The following FOXP2 variants were observed in gnomAD, a reference collection of about 807,000 sequenced individuals.
FOXP2 encodes the protein forkhead box protein P2.
Under a neutral mutation model 115.8 loss-of-function variants are expected in FOXP2, and 12 were observed. That is an observed-to-expected ratio of 0.10 (90% CI 0.07 to 0.17). The LOEUF is 0.17. Among genes scored for constraint, FOXP2 ranks in the 10% least tolerant of loss-of-function variants. The pLI, the probability that FOXP2 is intolerant of heterozygous loss-of-function variation, is 1.00. For missense variants in FOXP2, 629 were observed against 843.5 expected, an observed-to-expected ratio of 0.75 and a Z score of 3.15; for synonymous variants, 328 against 297.7, an observed-to-expected ratio of 1.10 and a Z score of -1.05.
In FOXP2 at chr7:114,659,652, G is replaced by A. The variant is rs757396343; in HGVS notation, c.1626G>A (p.Arg542=). Residue 542 remains arginine, a synonymous_variant, in exon 13 of 17, where the codon AGG becomes AGA. Coordinates refer to ENST00000350908, the MANE Select transcript of FOXP2 (RefSeq NM_014491.4). The part of the protein sequence containing the change: ...SWFTRTFAYF[R]RNAATWKNAV... ...TTACACGGACATTTGCTTACTTCAG[G>A]CGTAATGCAGCAACTTGGAAGGTAA... 6.2e-7 allele frequency: 1 copy of A among 1,613,490 alleles called. No homozygotes were observed. The highest frequency in any genetic ancestry group is 2.2e-5 in the East Asian group (1 of 44,848).
At chr7:114,171,787 G>A (rs1793148383) in intron 1 of FOXP2, among the ~76,000 whole-genome samples, 1 of 152,174 alleles carries the variant, frequency 6.6e-6, no homozygotes, top group African/African-American at 2.4e-5. Flanking sequence ...ACTGGGCAAA[G>A]TCAATTGAAA....
At chr7:114,569,869 T>TA (rs1267759870) in intron 3 of FOXP2, among the ~76,000 whole-genome samples, 1 of 151,930 alleles carries the variant, frequency 6.6e-6, no homozygotes, top group Non-Finnish European at 1.5e-5. Flanking sequence ...ATGTAATATT[T>TA]ACATGCATCA....
intron 3 of FOXP2, among the ~76,000 whole-genome samples, chr7:114,576,012 G>A (rs1801558536): frequency 6.6e-6 from 1 of 151,844 alleles, no homozygotes; most frequent in African/African-American, 2.4e-5. Context: ...TTATTTTTGA[G>A]TAGGTTTTAT....
Position 114,632,128 on chromosome 7 carries a change from C to A in FOXP2, c.775+423C>A, listed in dbSNP as rs1421597136. On this transcript the variant is annotated intron_variant, in intron 6 of 16. Coordinates refer to ENST00000350908, the MANE Select transcript of FOXP2 (RefSeq NM_014491.4). Reference sequence around the variant, plus strand: ...AAGATAAAAGTTCCTAATCTTCACACTGAAATCACCACATGTTAAAGAGAG... The same window carrying A: ...AAGATAAAAGTTCCTAATCTTCACAATGAAATCACCACATGTTAAAGAGAG... 1.6e-4 allele frequency among the ~76,000 whole-genome samples: 24 copies of A among 152,208 alleles called. 1 individual carries two copies. Among genetic ancestry groups the A allele is most frequent in the Admixed American group, 1.6e-3 (24 of 15,286 alleles).
At chr7:114,377,012 G>A (rs28431297) in intron 2 of FOXP2, among the ~76,000 whole-genome samples, 54,849 of 151,958 alleles carry the variant, frequency 0.36, 10,485 homozygotes, top group African/African-American at 0.43. Context: ...AACTGATAAA[G>A]TGCAGGACAG....
chr7:114,548,740 A>T (rs1227210725), intron 3 of FOXP2, among the ~76,000 whole-genome samples: 1 of 152,194 alleles, frequency 6.6e-6, no homozygotes, highest in African/African-American at 2.4e-5. Flanking sequence ...CCCTCCAGGA[A>T]GTTACTGCTG....
At chr7:114,342,304 T>G (rs1365784189) in intron 2 of FOXP2, among the ~76,000 whole-genome samples, 1 of 151,388 alleles carries the variant, frequency 6.6e-6, no homozygotes, top group Non-Finnish European at 1.5e-5. Flanking sequence ...TATAATAATA[T>G]AGTATTACAC....
Position 114,659,368 on chromosome 7 carries a change from A to C in FOXP2, c.1481A>C (p.Asn494Thr). The change falls in exon 12 of 17, where the codon AAC becomes ACC. Residue 494 changes from asparagine (N) to threonine (T), a missense_variant. Around this residue, in one of 9 missense-constraint regions of FOXP2, gnomAD observed 101 missense variants for 116.0 expected, o/e 0.87. Coordinates refer to ENST00000350908, the MANE Select transcript of FOXP2 (RefSeq NM_014491.4). Reference protein sequence around the residue: ...NIPMSSEIAPNYEFYKNADVR... With the variant: ...NIPMSSEIAPTYEFYKNADVR... ...TTTATTTTTATAGAAATTGCCCCAA[A>C]CTATGAATTTTATAAAAATGCAGAT... 1 of 1,611,452 alleles carries C rather than the reference A, an allele frequency of 6.2e-7. No individual in the cohort carries two copies. The highest frequency in any genetic ancestry group is 8.5e-7 in the Non-Finnish European group (1 of 1,178,104).
intron 2 of FOXP2, among the ~76,000 whole-genome samples, chr7:114,318,939 T>A (rs536324144): frequency 6.6e-6 from 1 of 152,108 alleles, no homozygotes; most frequent in Non-Finnish European, 1.5e-5. Flanking sequence ...ATTCCAGTAA[T>A]AGGAAAACAA....
intron 3 of FOXP2, among the ~76,000 whole-genome samples, chr7:114,559,991 C>T (rs1800684607): frequency 6.6e-6 from 1 of 151,906 alleles, no homozygotes; most frequent in Non-Finnish European, 1.5e-5. Context: ...ATCTCAAATC[C>T]TTCAAATACC....
intron 2 of FOXP2, among the ~76,000 whole-genome samples, chr7:114,443,661 A>C (rs1794705790): frequency 6.6e-6 from 1 of 152,146 alleles, no homozygotes; most frequent in African/African-American, 2.4e-5. Flanking sequence ...CTTATAAGTG[A>C]GAACATGCAG....
chr7:114,266,047 T>C (rs1002333498), intron 1 of FOXP2, among the ~76,000 whole-genome samples: 1 of 151,900 alleles, frequency 6.6e-6, no homozygotes, highest in African/African-American at 2.4e-5. Flanking sequence ...TTTTTGTCCA[T>C]TGTCTTGAAT....
chr7:114,393,995 TGTGTGTGTGTGAGA>T (rs1442894529), intron 2 of FOXP2, among the ~76,000 whole-genome samples: 3 of 17,218 alleles, frequency 1.7e-4, no homozygotes, highest in Non-Finnish European at 2.1e-4. Flanking sequence ...TGTGTGTGTG[TGTGTGTGTGTGAGA>T]GAGAGAGAGA....
chr7:114,368,209 C>T (rs2129188778), intron 2 of FOXP2, among the ~76,000 whole-genome samples: 1 of 152,184 alleles, frequency 6.6e-6, no homozygotes, highest in East Asian at 1.9e-4. Flanking sequence ...CTAAATTATA[C>T]ACATTGGTTA....
At chr7:114,161,237 A>C (rs961379315), upstream of FOXP2, among the ~76,000 whole-genome samples, 1 of 152,218 alleles carries the variant, frequency 6.6e-6, no homozygotes, top group Non-Finnish European at 1.5e-5. Context: ...TTAGAAAAGA[A>C]AACAAAACAC....
chr7:114,516,854 G>C (rs1050993876), intron 2 of FOXP2, among the ~76,000 whole-genome samples: 1 of 151,540 alleles, frequency 6.6e-6, no homozygotes, highest in Non-Finnish European at 1.5e-5. Flanking sequence ...TGCCACCATG[G>C]CCAGCTAATT....
chr7:114,200,828 A>G (rs768347638), intron 1 of FOXP2, among the ~76,000 whole-genome samples: 1 of 152,132 alleles, frequency 6.6e-6, no homozygotes, highest in Non-Finnish European at 1.5e-5. Flanking sequence ...TTTTCTAAAC[A>G]TTGACCATTT....
At chr7:114,587,484 A>C (rs1563017631) in intron 3 of FOXP2, among the ~76,000 whole-genome samples, 1 of 152,118 alleles carries the variant, frequency 6.6e-6, no homozygotes, top group Non-Finnish European at 1.5e-5. Context: ...TGTATGTGCC[A>C]CATTTTCTTT....
At chr7:114,172,765 A>G (rs1793181569) in intron 1 of FOXP2, among the ~76,000 whole-genome samples, 1 of 152,162 alleles carries the variant, frequency 6.6e-6, no homozygotes, top group Non-Finnish European at 1.5e-5. Context: ...CAAAGTAAAA[A>G]AGAATTAAAA....
Sources: gnomAD v4.1 joint callset for allele counts (sites outside exome capture counted in the v4.1 genomes callset) on GRCh38, gnomAD v4.1.1 for gene constraint, gnomAD v4.1.1 regional missense constraint, MANE v1.5 for transcripts, NCBI Gene and HGNC (gene_info 2026-07-23, HGNC 2026-07-21) for gene names.